The following RABEP1 variants were observed in gnomAD, a reference collection of about 807,000 sequenced individuals.
RABEP1 encodes rab GTPase-binding effector protein 1.
A neutral mutation model predicts 123.4 loss-of-function variants in RABEP1; 51 were observed. The observed-to-expected ratio is 0.41, with a 90% CI of 0.33 to 0.52. The LOEUF is 0.52. Among genes scored for constraint, RABEP1 ranks in the 20% least tolerant of loss-of-function variants. The pLI is 0.16. For synonymous variants in RABEP1, 347 were observed against 355.2 expected, an observed-to-expected ratio of 0.98 and a Z score of 0.26; for missense variants, 888 against 996.3, an observed-to-expected ratio of 0.89 and a Z score of 1.46.
intron 1 of RABEP1, among the ~76,000 whole-genome samples, chr17:5,292,873 G>T (rs1451211956): frequency 1.3e-5 from 2 of 152,082 alleles, no homozygotes; most frequent in Non-Finnish European, 2.9e-5. Context: ...GTAGAGATAA[G>T]GTTTTTCCAT....
chr17:5,306,488 C>T (rs2075180431), intron 1 of RABEP1, among the ~76,000 whole-genome samples: 1 of 151,900 alleles, frequency 6.6e-6, no homozygotes, highest in African/African-American at 2.4e-5. Context: ...ATTAGCTGGG[C>T]GTGGTGGCAT....
intron 1 of RABEP1, among the ~76,000 whole-genome samples, chr17:5,285,543 A>T (rs534468931): frequency 6.6e-6 from 1 of 152,200 alleles, no homozygotes; most frequent in East Asian, 1.9e-4. Flanking sequence ...CTTTACATAC[A>T]TAAGTCTGCA....
chr17:5,386,108 A>C lies in RABEP1; in HGVS notation c.*2885A>C. Reference sequence around the variant, plus strand: ...GATGAACCACACCAAAGGTCATCAAAACACCTTTTTATAAATTAGATAATT... The same window carrying C: ...GATGAACCACACCAAAGGTCATCAACACACCTTTTTATAAATTAGATAATT... On this transcript the variant is annotated 3_prime_UTR_variant, in exon 18 of 18. Transcript: ENST00000537505. 1.1e-6 allele frequency: 1 copy of C among 877,520 alleles called. No homozygotes were observed. Among genetic ancestry groups the C allele is most frequent in the Non-Finnish European group, 1.8e-6 (1 of 564,178 alleles). 54.4% of individuals were successfully genotyped at this position (877,520 alleles called of 1,614,324 possible).
At chr17:5,350,777 A>G in intron 7 of RABEP1, 148 bp downstream of exon 7, 1 of 873,602 alleles carries the variant, frequency 1.1e-6, no homozygotes, top group South Asian at 1.7e-5. Flanking sequence ...CATAACAGCT[A>G]CATTTGAGGG....
At chr17:5,316,600 A>G (rs1020783394) in intron 2 of RABEP1, among the ~76,000 whole-genome samples, 13 of 151,808 alleles carry the variant, frequency 8.6e-5, no homozygotes, top group Admixed American at 2.0e-4. Flanking sequence ...TGGGAGGCCA[A>G]GGTGGGCGGA....
chr17:5,339,767 C>T (rs1907421113), intron 5 of RABEP1, among the ~76,000 whole-genome samples: 1 of 151,450 alleles, frequency 6.6e-6, no homozygotes, highest in African/African-American at 2.4e-5. Context: ...TGTACCACTG[C>T]ACTCCAGCCT....
At position 5,385,043 on chromosome 17, in the gene RABEP1, A is replaced by G. The variant is rs540276720; in HGVS notation, c.*1820A>G. On this transcript the variant is annotated 3_prime_UTR_variant, in exon 18 of 18. Coordinates refer to ENST00000537505, the MANE Select transcript of RABEP1 (RefSeq NM_004703.6). ...TCTGCTGAGACTGAGCACCTTACAG[A>G]TATTTTTCTCCAGAAGATGGTGCTG... The G allele has an allele frequency of 4.4e-6, 1 of 228,810 alleles. No homozygotes were observed. Among genetic ancestry groups the G allele is most frequent in the East Asian group, 6.3e-5 (1 of 15,874 alleles). The allele number at this position is 228,810 out of a possible 1,614,324, so 14.2% of individuals were successfully genotyped here.
At chr17:5,313,693 G>A (rs1427862702) in intron 2 of RABEP1, among the ~76,000 whole-genome samples, 3 of 152,162 alleles carry the variant, frequency 2.0e-5, no homozygotes, top group African/African-American at 7.2e-5. Flanking sequence ...GGCTTTTTGT[G>A]TACTGTTGTA....
chr17:5,323,779 AATATATATATATATCTAGGAAT>A lies in RABEP1; in HGVS notation c.164-8157_164-8136del, dbSNP rs201121525. On this transcript the variant is annotated intron_variant, in intron 2 of 17. Transcript: ENST00000537505. ...CTAGGAATATATATATATATCTAGG[AATATATATATATATCTAGGAAT>A]ATATATATATATCTAGGAATATATA... Among the ~76,000 whole-genome samples the A allele has an allele frequency of 7.9e-5, 6 of 76,070 alleles. No individual in the cohort carries two copies. In the South Asian group the frequency reaches 2.4e-3, roughly 31 times the overall value. 49.9% of individuals were successfully genotyped at this position (76,070 alleles called of 152,430 possible).
intron 5 of RABEP1, among the ~76,000 whole-genome samples, chr17:5,339,426 T>C (rs1175350448): frequency 6.6e-6 from 1 of 152,174 alleles, no homozygotes; most frequent in East Asian, 1.9e-4. Context: ...GGAGAATTAC[T>C]TCAACCCAAA....
intron 1 of RABEP1, chr17:5,284,030 G>C (rs1276555645): frequency 5.3e-5 from 8 of 152,214 alleles, no homozygotes; most frequent in Non-Finnish European, 7.3e-5. Context: ...ACTGCACACA[G>C]AGGCAAGATA....
intron 2 of RABEP1, among the ~76,000 whole-genome samples, chr17:5,322,315 G>T (rs1905448963): frequency 6.6e-6 from 1 of 152,078 alleles, no homozygotes; most frequent in South Asian, 2.1e-4. Context: ...CTATGATTGT[G>T]CCACTCTGCA....
At chr17:5,308,306 A>G (rs867993353) in intron 1 of RABEP1, among the ~76,000 whole-genome samples, 4 of 150,832 alleles carry the variant, frequency 2.7e-5, no homozygotes, top group East Asian at 1.9e-4. Context: ...GCCCACTGCA[A>G]CCTCCGCCTC....
At position 5,286,287 on chromosome 17, in the gene RABEP1, C is replaced by T. The variant is rs148507814; in HGVS notation, c.34+3767C>T. 9.4e-3 allele frequency among the ~76,000 whole-genome samples: 1,435 copies of T among 152,198 alleles called. 61 individuals carry two copies. In the East Asian group the frequency reaches 0.12, roughly 13 times the overall value. On this transcript the variant is annotated intron_variant, in intron 1 of 17. Coordinates refer to ENST00000537505, the MANE Select transcript of RABEP1 (RefSeq NM_004703.6). ...AAGGCAGATGGATCACAAGGTCAGGCGTTCAAGACCAGCCTGGCCAATATG... is the reference window on the plus strand; with the variant it reads ...AAGGCAGATGGATCACAAGGTCAGGTGTTCAAGACCAGCCTGGCCAATATG...
intron 2 of RABEP1, among the ~76,000 whole-genome samples, chr17:5,326,669 A>G (rs1905999773): frequency 6.6e-6 from 1 of 152,154 alleles, no homozygotes; most frequent in Non-Finnish European, 1.5e-5. Context: ...TGGGTTCATC[A>G]GTTGTATCAA....
rs376642794 is a variant in RABEP1, at chr17:5,367,537, A to G, written c.1786-833A>G. ...ATCCGCCTCGGCCTCCCAAAGTGCTAGGATTACAGGCGTGAGTCACCGTGC... is the reference window on the plus strand; with the variant it reads ...ATCCGCCTCGGCCTCCCAAAGTGCTGGGATTACAGGCGTGAGTCACCGTGC... On this transcript the variant is annotated intron_variant, in intron 11 of 17. Coordinates refer to ENST00000537505, the MANE Select transcript of RABEP1 (RefSeq NM_004703.6). 4.0e-3 allele frequency among the ~76,000 whole-genome samples: 608 copies of G among 151,362 alleles called. 3 individuals are homozygous for G. Among genetic ancestry groups the G allele is most frequent in the South Asian group, 6.5e-3 (31 of 4,760 alleles).
chr17:5,375,636 G>C (rs970967208), intron 13 of RABEP1, among the ~76,000 whole-genome samples: 7 of 151,944 alleles, frequency 4.6e-5, no homozygotes, highest in Admixed American at 4.6e-4. Context: ...AGCCCAGGAG[G>C]TCAAAGCTGC....
At position 5,323,854 on chromosome 17, in the gene RABEP1, C is replaced by A. The variant is rs374455371; in HGVS notation, c.164-8095C>A. The stretch of plus-strand genomic sequence containing the variant: ...TATATCTAGGAATATATATATATAT[C>A]TAGGAATATATATATATATCTAGGA... On this transcript the variant is annotated intron_variant, in intron 2 of 17. Coordinates refer to ENST00000537505, the MANE Select transcript of RABEP1 (RefSeq NM_004703.6). 1.6e-3 allele frequency among the ~76,000 whole-genome samples: 168 copies of A among 104,202 alleles called. 9 individuals are homozygous for A. Among genetic ancestry groups the A allele is most frequent in the African/African-American group, 6.3e-3 (151 of 24,158 alleles). The allele number at this position is 104,202 out of a possible 152,430, so 68.4% of individuals were successfully genotyped here.
intron 5 of RABEP1, among the ~76,000 whole-genome samples, chr17:5,345,328 T>C (rs187716480): frequency 7.2e-5 from 11 of 152,286 alleles, no homozygotes; most frequent in Non-Finnish European, 1.6e-4. Flanking sequence ...TTCAGTGGTT[T>C]GTTTGTACCC....
Sources: gnomAD v4.1 joint callset for allele counts (sites outside exome capture counted in the v4.1 genomes callset) on GRCh38, gnomAD v4.1.1 for gene constraint, MANE v1.5 for transcripts, NCBI Gene and HGNC (gene_info 2026-07-23, HGNC 2026-07-21) for gene names.